The following VPS13B variants were observed in gnomAD, a reference collection of about 807,000 sequenced individuals.
VPS13B encodes the protein intermembrane lipid transfer protein VPS13B.
In VPS13B, 285 loss-of-function variants were observed where a neutral mutation model predicts 426.4. The ratio of observed to expected loss-of-function variants is 0.67; its 90% CI spans 0.61 to 0.74. The LOEUF (loss-of-function observed/expected upper bound fraction) is 0.74, where lower values mean the gene tolerates loss of function less well. Ranked by LOEUF, VPS13B falls within the 30% of genes least tolerant of loss-of-function variation. The pLI, the probability that VPS13B is intolerant of heterozygous loss-of-function variation, is 0.00. For missense variants in VPS13B, 4,537 were observed against 4,782.6 expected, an observed-to-expected ratio of 0.95 and a Z score of 1.51; for synonymous variants, 1,676 against 1,676.4, an observed-to-expected ratio of 1.00 and a Z score of 0.01.
intron 33 of VPS13B, among the ~76,000 whole-genome samples, chr8:99,614,776 A>G (rs1211039319): frequency 3.9e-5 from 6 of 152,148 alleles, no homozygotes; most frequent in African/African-American, 1.4e-4. Context: ...TCCTGAAGCA[A>G]TAATCTAGAG....
intron 3 of VPS13B, among the ~76,000 whole-genome samples, chr8:99,054,502 T>A (rs1563509963): frequency 1.3e-5 from 2 of 152,266 alleles, no homozygotes; most frequent in Non-Finnish European, 2.9e-5. Context: ...TCATCCATTC[T>A]GTAGGTTGTG....
chr8:99,530,269 T>C (rs16897438), intron 30 of VPS13B, among the ~76,000 whole-genome samples: 3,150 of 152,280 alleles, frequency 0.021, 116 homozygotes, highest in African/African-American at 0.072. Flanking sequence ...TTTGGCCTTC[T>C]ACAGCAATGG....
intron 33 of VPS13B, among the ~76,000 whole-genome samples, chr8:99,623,815 A>C (rs1828470371): frequency 6.6e-6 from 1 of 151,690 alleles, no homozygotes; most frequent in African/African-American, 2.4e-5. Context: ...GTTTGCCAGC[A>C]TTGCTTATAT....
chr8:99,364,298 C>T (rs1335230846), intron 19 of VPS13B, among the ~76,000 whole-genome samples: 1 of 152,082 alleles, frequency 6.6e-6, no homozygotes, highest in Non-Finnish European at 1.5e-5. Flanking sequence ...TACTTGCATA[C>T]CCAGGATAAA....
At chr8:99,199,079 T>C (rs1437168922) in intron 17 of VPS13B, among the ~76,000 whole-genome samples, 3 of 152,234 alleles carry the variant, frequency 2.0e-5, no homozygotes, top group Admixed American at 2.0e-4. Flanking sequence ...ACAACTAGTT[T>C]TCATTTCCCA....
At chr8:99,274,358 C>T (rs1402896465) in intron 18 of VPS13B, 26 bp downstream of exon 18, 1 of 1,613,944 alleles carries the variant, frequency 6.2e-7, no homozygotes, top group Non-Finnish European at 8.5e-7. Context: ...CCGTGTAAAA[C>T]TTTATTGCCT....
At position 99,534,674 on chromosome 8, in the gene VPS13B, G is replaced by C. The variant is rs1444960195; in HGVS notation, c.4745+13664G>C. 2.6e-5 allele frequency among the ~76,000 whole-genome samples: 4 copies of C among 152,148 alleles called. No homozygotes were observed. The East Asian group carries it at 5.8e-4, about 22-fold the overall frequency. On this transcript the variant is annotated intron_variant, in intron 30 of 61. Transcript: ENST00000357162. ...TAGGGTACCTTTAAAATACATCTTT[G>C]GGACTTCTGGAATATGATGGCTGTT... is the stretch of plus-strand genomic sequence containing the variant.
At chr8:99,295,584 A>G (rs905496303) in intron 19 of VPS13B, among the ~76,000 whole-genome samples, 3 of 152,204 alleles carry the variant, frequency 2.0e-5, no homozygotes, top group African/African-American at 7.2e-5. Flanking sequence ...GAACACTTAC[A>G]TTGGCCTTCA....
At chr8:99,857,408 G>A (rs757171360) in intron 56 of VPS13B, among the ~76,000 whole-genome samples, 4 of 152,288 alleles carry the variant, frequency 2.6e-5, no homozygotes, top group East Asian at 1.9e-4. Flanking sequence ...ACCTTCTGCC[G>A]TTAGGTACAC....
At chr8:99,290,845 G>C (rs1819694030) in intron 19 of VPS13B, among the ~76,000 whole-genome samples, 2 of 151,964 alleles carry the variant, frequency 1.3e-5, no homozygotes. Context: ...TGGCTAAACT[G>C]TAAATAATTT....
intron 39 of VPS13B, among the ~76,000 whole-genome samples, chr8:99,758,666 G>C (rs1410518572): frequency 3.3e-5 from 5 of 152,018 alleles, no homozygotes; most frequent in Non-Finnish European, 7.4e-5. Context: ...TTGTTTTCTA[G>C]TCACCACCCA....
At chr8:99,345,928 G>A (rs931473030) in intron 19 of VPS13B, 2 of 152,428 alleles carry the variant, frequency 1.3e-5, no homozygotes, top group Admixed American at 6.5e-5. Flanking sequence ...AGAGCAGAAG[G>A]CCATAGCTGG....
chr8:99,027,181 C>G (rs910233902), intron 2 of VPS13B, among the ~76,000 whole-genome samples: 1 of 152,010 alleles, frequency 6.6e-6, no homozygotes, highest in Non-Finnish European at 1.5e-5. Flanking sequence ...CCAGCCAGGT[C>G]TTGGTTTTGG....
At chr8:99,517,511 A>T (rs1379871953) in intron 29 of VPS13B, among the ~76,000 whole-genome samples, 1 of 152,144 alleles carries the variant, frequency 6.6e-6, no homozygotes, top group East Asian at 1.9e-4. Flanking sequence ...AGTTAATGAT[A>T]AAAAAATTGA....
At chr8:99,047,051 T>C (rs968309753) in intron 3 of VPS13B, among the ~76,000 whole-genome samples, 2 of 152,190 alleles carry the variant, frequency 1.3e-5, no homozygotes, top group African/African-American at 4.8e-5. Context: ...TAGAATGATT[T>C]AGGGAGGATT....
chr8:99,150,779 C>T (rs1005021693), intron 14 of VPS13B, among the ~76,000 whole-genome samples: 1 of 152,174 alleles, frequency 6.6e-6, no homozygotes, highest in African/African-American at 2.4e-5. Context: ...CTTATCCATT[C>T]ACCTACTGAA....
intron 40 of VPS13B, among the ~76,000 whole-genome samples, chr8:99,771,320 C>T (rs1811475434): frequency 6.6e-6 from 1 of 152,210 alleles, no homozygotes; most frequent in Non-Finnish European, 1.5e-5. Context: ...GACTTTTTAT[C>T]TCTACCCACA....
chr8:99,817,408 T>C (rs1457234358), intron 44 of VPS13B, 132 bp from the exon 45 acceptor site: 6 of 1,223,882 alleles, frequency 4.9e-6, no homozygotes, highest in Non-Finnish European at 6.8e-6. Context: ...TTTTCCTTCT[T>C]GTACTGTTTA....
chr8:99,520,419 G>A (rs1446064626), intron 29 of VPS13B, among the ~76,000 whole-genome samples: 6 of 151,490 alleles, frequency 4.0e-5, no homozygotes, highest in Admixed American at 3.3e-4. Context: ...GTGTGTGTGT[G>A]TGTGTGTGTG....
Sources: allele counts gnomAD v4.1 joint callset (sites outside exome capture counted in the v4.1 genomes callset), GRCh38; gene constraint gnomAD v4.1.1; transcripts MANE v1.5; gene names NCBI Gene and HGNC (gene_info 2026-07-23, HGNC 2026-07-21).